The following RALY variants were observed in gnomAD, a reference collection of about 807,000 sequenced individuals.
RALY encodes RALY heterogeneous nuclear ribonucleoprotein, also known as RNA-binding protein Raly.
A neutral mutation model predicts 30.7 loss-of-function variants in RALY; 15 were observed. The observed-to-expected ratio is 0.49, with a 90% CI of 0.33 to 0.75. RALY has a LOEUF of 0.75. Ranked by LOEUF, RALY falls within the 30% of genes least tolerant of loss-of-function variation. The pLI is 0.02. For missense variants in RALY, 339 were observed against 414.3 expected (o/e 0.82, Z 1.58); for synonymous variants, 177 against 170.8 (o/e 1.04, Z -0.28).
At chr20:34,060,062 T>C (rs2033370276) in intron 2 of RALY, among the ~76,000 whole-genome samples, 1 of 152,256 alleles carries the variant, frequency 6.6e-6, no homozygotes, top group Non-Finnish European at 1.5e-5. Flanking sequence ...TTTCCTTTTA[T>C]GTTCAAGGCA....
chr20:34,032,657 T>C (rs2032330408), intron 2 of RALY, among the ~76,000 whole-genome samples: 1 of 152,042 alleles, frequency 6.6e-6, no homozygotes, highest in Non-Finnish European at 1.5e-5. Flanking sequence ...CACCACAGCC[T>C]GCTCTGAAAC....
rs2033841519 is a variant in RALY at position 34,075,232 on chromosome 20, A to T, written c.378-642A>T. On this transcript the variant is annotated intron_variant, in intron 5 of 9. Transcript: ENST00000246194. ...GATGTGGTGATTAAGGAGGTCAAGT[A>T]AGGAAAGGGCTTAGAGTTCAGTCTT... is the stretch of plus-strand genomic sequence containing the variant. Among the ~76,000 whole-genome samples, 3 of 152,086 alleles carry T rather than the reference A, an allele frequency of 2.0e-5. No individual in the cohort carries two copies. The South Asian group carries it at 6.2e-4, about 32-fold the overall frequency.
At chr20:33,994,670 G>A (rs1480086268) in intron 1 of RALY, among the ~76,000 whole-genome samples, 3 of 152,138 alleles carry the variant, frequency 2.0e-5, no homozygotes. Context: ...AACAACAACG[G>A]GCCCTCGAAC....
intron 1 of RALY, among the ~76,000 whole-genome samples, chr20:34,002,753 CCAGATATCTGCATCTGGA>C (rs1446731335): frequency 6.6e-6 from 1 of 152,160 alleles, no homozygotes; most frequent in African/African-American, 2.4e-5. Context: ...GTTTAGGTGT[CCAGATATCTGCATCTGGA>C]CACCCACACA....
At chr20:33,998,359 T>C (rs2030740624) in intron 1 of RALY, among the ~76,000 whole-genome samples, 2 of 152,018 alleles carry the variant, frequency 1.3e-5, no homozygotes, top group African/African-American at 4.8e-5. Context: ...AAAGAAGAGA[T>C]CTGGGGAGTC....
chr20:34,056,131 A>C (rs1010909458), intron 2 of RALY, among the ~76,000 whole-genome samples: 1 of 152,064 alleles, frequency 6.6e-6, no homozygotes, highest in Non-Finnish European at 1.5e-5. Context: ...TCGGCTAGGC[A>C]CTCTAGTATC....
chr20:34,043,565 A>G (rs974482093), intron 2 of RALY, among the ~76,000 whole-genome samples: 1 of 152,092 alleles, frequency 6.6e-6, no homozygotes, highest in Non-Finnish European at 1.5e-5. Context: ...CTAAAATCTA[A>G]TCTTCTTAGA....
Position 34,010,161 on chromosome 20 carries a change from G to A in RALY, c.-93+16030G>A, listed in dbSNP as rs552913698. Reference sequence around the variant, plus strand: ...TATATATTTGTAAGGTAGAGTGGAAGTGAGTCTGATGTGTCATGAAGGAAA... The same window carrying A: ...TATATATTTGTAAGGTAGAGTGGAAATGAGTCTGATGTGTCATGAAGGAAA... On this transcript the variant is annotated intron_variant, in intron 1 of 9. Transcript: ENST00000246194. Among the ~76,000 whole-genome samples the A allele has an allele frequency of 1.2e-4, 19 of 152,270 alleles. No homozygotes were observed. In the East Asian group the frequency reaches 2.5e-3, roughly 20 times the overall value.
chr20:34,022,685 G>A (rs1021376078), intron 1 of RALY, among the ~76,000 whole-genome samples: 1 of 152,084 alleles, frequency 6.6e-6, no homozygotes, highest in Non-Finnish European at 1.5e-5. Context: ...CCTGAAGGAC[G>A]GAAAAAGTAC....
At chr20:34,005,203 C>G (rs544623239) in intron 1 of RALY, among the ~76,000 whole-genome samples, 2 of 152,100 alleles carry the variant, frequency 1.3e-5, no homozygotes, top group Admixed American at 1.3e-4. Flanking sequence ...GGAGACTAGT[C>G]GAGTAGTTGA....
chr20:34,023,289 G>A (rs1568661110), intron 1 of RALY, among the ~76,000 whole-genome samples: 2 of 152,180 alleles, frequency 1.3e-5, no homozygotes, highest in Non-Finnish European at 2.9e-5. Context: ...ACTCATTGTG[G>A]ATACAGGAAA....
chr20:34,035,568 A>AT (rs1464089087), intron 2 of RALY, among the ~76,000 whole-genome samples: 1 of 152,102 alleles, frequency 6.6e-6, no homozygotes, highest in African/African-American at 2.4e-5. Context: ...CACGACCTAA[A>AT]ACCCTGGTCC....
chr20:34,016,416 T>A (rs1359627506), intron 1 of RALY: 2 of 152,146 alleles, frequency 1.3e-5, no homozygotes, highest in Non-Finnish European at 2.9e-5. Context: ...CCAAGGTGAG[T>A]TTGAACCTGA....
intron 1 of RALY, among the ~76,000 whole-genome samples, chr20:34,011,540 A>G (rs1601409999): frequency 1.3e-5 from 2 of 152,220 alleles, no homozygotes; most frequent in East Asian, 1.9e-4. Context: ...GGTGTCAGGG[A>G]TATCTCCTAT....
rs192121219 is a variant in RALY, at chr20:34,035,218, C to T, written c.-10+3614C>T. Among the ~76,000 whole-genome samples, 513 of 143,570 alleles carry T rather than the reference C, an allele frequency of 3.6e-3. 2 individuals carry two copies. The highest frequency in any genetic ancestry group is 8.3e-3 in the Middle Eastern group (2 of 240). The allele number at this position is 143,570 out of a possible 152,430, so 94.2% of individuals were successfully genotyped here. On this transcript the variant is annotated intron_variant, in intron 2 of 9. Transcript: ENST00000246194. ...TGGAGGCCACTTAATTTAGGAGCAG[C>T]ACCTCCACAAACATCGGTGTCCCTC... is the stretch of plus-strand genomic sequence containing the variant.
chr20:34,004,607 C>T (rs2031076785), intron 1 of RALY, among the ~76,000 whole-genome samples: 2 of 152,182 alleles, frequency 1.3e-5, no homozygotes, highest in Admixed American at 1.3e-4. Flanking sequence ...CTCATAGCCT[C>T]TCAGAGCAGA....
intron 1 of RALY, among the ~76,000 whole-genome samples, chr20:34,023,096 C>CA (rs1210006560): frequency 6.6e-6 from 1 of 152,170 alleles, no homozygotes; most frequent in Non-Finnish European, 1.5e-5. Context: ...TCAGTACAGA[C>CA]AAACTTTTGG....
chr20:34,061,680 T>C (rs1404501012), intron 2 of RALY, among the ~76,000 whole-genome samples: 1 of 152,212 alleles, frequency 6.6e-6, no homozygotes, highest in Non-Finnish European at 1.5e-5. Flanking sequence ...AATAATATTT[T>C]GAGTACTTAA....
intron 2 of RALY, among the ~76,000 whole-genome samples, chr20:34,062,164 T>C (rs1323959902): frequency 1.3e-5 from 2 of 152,202 alleles, no homozygotes; most frequent in Admixed American, 1.3e-4. Flanking sequence ...CATCTCTGGT[T>C]CCACAGCACC....
Sources: allele counts gnomAD v4.1 joint callset (sites outside exome capture counted in the v4.1 genomes callset), GRCh38; gene constraint gnomAD v4.1.1; transcripts MANE v1.5; gene names NCBI Gene and HGNC (gene_info 2026-07-23, HGNC 2026-07-21).